The following ECI2 variants were observed in gnomAD, a reference collection of about 807,000 sequenced individuals.
ECI2 encodes D3,D2-enoyl-CoA isomerase.
ECI2 carries 27 observed loss-of-function variants against 38.4 expected under a neutral mutation model. The ratio of observed to expected loss-of-function variants is 0.70; its 90% confidence interval spans 0.52 to 0.97. The LOEUF is 0.97. ECI2 is among the 50% of genes least tolerant of loss of function. ECI2 has a pLI of 0.00. For synonymous variants in ECI2, 168 were observed against 172.0 expected (o/e 0.98, Z 0.18); for missense variants, 470 against 474.4 (o/e 0.99, Z 0.09).
chr6:4,133,802 A>G, intron 1 of ECI2, 91 bp from the exon 2 acceptor site: 1 of 1,406,028 alleles, frequency 7.1e-7, no homozygotes, highest in Non-Finnish European at 9.3e-7. Flanking sequence ...ACATAACAAA[A>G]TGCCATGTTT....
intron 2 of ECI2, among the ~76,000 whole-genome samples, chr6:4,132,918 C>G (rs1469901155): frequency 1.3e-5 from 2 of 152,156 alleles, no homozygotes; most frequent in African/African-American, 2.4e-5. Context: ...GTGTGCGCCA[C>G]CAGTCCAGCT....
At chr6:4,119,107 G>A (rs577466181) in intron 8 of ECI2, 79 bp downstream of exon 8, 321 of 1,176,124 alleles carry the variant, frequency 2.7e-4, no homozygotes, top group Non-Finnish European at 3.7e-4. Context: ...AGGGAAAGAA[G>A]GGAGAGTATA....
intron 2 of ECI2, 119 bp downstream of exon 2, chr6:4,133,430 G>T: frequency 8.6e-7 from 1 of 1,167,140 alleles, no homozygotes; most frequent in Non-Finnish European, 1.2e-6. Flanking sequence ...ACTCTTCAGA[G>T]AAGAGGGAGC....
chr6:4,118,307 C>CA (rs1436523898), intron 8 of ECI2: 1 of 152,536 alleles, frequency 6.6e-6, no homozygotes, highest in Admixed American at 6.5e-5. Context: ...GCTGGGATTA[C>CA]AGGTGTGAGC....
intron 9 of ECI2, among the ~76,000 whole-genome samples, chr6:4,117,035 C>G (rs547577271): frequency 5.9e-5 from 9 of 152,194 alleles, no homozygotes; most frequent in Non-Finnish European, 1.3e-4. Flanking sequence ...AAGTGCTCAG[C>G]AAATACTGCC....
intron 7 of ECI2, among the ~76,000 whole-genome samples, chr6:4,121,454 T>G (rs1772746763): frequency 6.6e-6 from 1 of 152,228 alleles, no homozygotes; most frequent in Non-Finnish European, 1.5e-5. Flanking sequence ...CCCTTTATAT[T>G]TCATTTTGTC....
At position 4,125,291 on chromosome 6, in the gene ECI2, T is replaced by A; in HGVS notation, c.754A>T (p.Thr252Ser). Residue 252 changes from threonine (T) to serine (S), a missense_variant, in exon 7 of 10, where the codon ACC becomes TCC. Coordinates refer to ENST00000380118, the MANE Select transcript of ECI2 (RefSeq NM_206836.3). ...VNGPAVGISV[T>S]LLGLFDAVYA... is the part of the protein sequence containing the mutation. The stretch of plus-strand genomic sequence containing the variant: ...ACGGCATCGAATAGCCCAAGGAGGG[T>A]GACGGAGATGCCCACAGCTGGACCA... 2 of 1,614,062 alleles carry A rather than the reference T, an allele frequency of 1.2e-6. No homozygotes were observed. Among genetic ancestry groups the A allele is most frequent in the Non-Finnish European group, 1.7e-6 (2 of 1,180,028 alleles).
At chr6:4,125,040 G>T in intron 7 of ECI2, 1 of 766,660 alleles carries the variant, frequency 1.3e-6, no homozygotes, top group Non-Finnish European at 2.1e-6. Flanking sequence ...AGTCAGAGTT[G>T]GAACAATGTT....
chr6:4,119,265 T>G lies in ECI2; in HGVS notation c.806A>C (p.His269Pro), dbSNP rs200845716. 1,611 of 1,612,324 alleles carry G rather than the reference T, an allele frequency of 1.0e-3. No individual in the cohort carries two copies. Among genetic ancestry groups the G allele is most frequent in the Non-Finnish European group, 1.3e-3 (1,556 of 1,179,258 alleles). ...AVYASDRATFHTPFSHLGQSP... is the reference protein window; with the variant it reads ...AVYASDRATFPTPFSHLGQSP... The stretch of plus-strand genomic sequence containing the variant: ...TTGGCCTAGGTGACTAAATGGTGTA[T>G]GAAATGTTGCCTGCAGAGGCAGGAG... The change falls in exon 8 of 10, where the codon CAT becomes CCT. Residue 269 changes from histidine to proline, a missense_variant. Coordinates refer to ENST00000380118, the MANE Select transcript of ECI2 (RefSeq NM_206836.3).
Position 4,126,137 on chromosome 6 carries a change from C to G in ECI2, c.672G>C (p.Leu224=). 6.2e-7 allele frequency: 1 copy of G among 1,613,032 alleles called. No homozygotes were observed. Among genetic ancestry groups the G allele is most frequent in the Non-Finnish European group, 8.5e-7 (1 of 1,179,322 alleles). The change falls in exon 6 of 10, where the codon CTG becomes CTC. Residue 224 remains leucine (L), a splice_region_variant and synonymous_variant. Transcript: ENST00000380118. ...EEKAKNNAVL[L]REFVGCFIDF... ...AGACAAAGGTCAGTAACTCTTACCT[C>G]AGTAAAACGGCATTATTTTTAGCTT...
intron 7 of ECI2, chr6:4,122,195 T>C (rs1258709716): frequency 2.3e-6 from 1 of 430,140 alleles, no homozygotes; most frequent in Non-Finnish European, 4.2e-6. Flanking sequence ...AGTTTTCTCA[T>C]TTGTAAAATG....
At chr6:4,127,646 C>T in intron 5 of ECI2, 116 bp downstream of exon 5, 1 of 986,630 alleles carries the variant, frequency 1.0e-6, no homozygotes, top group Non-Finnish European at 1.5e-6. Context: ...AACTCCTGAC[C>T]TCGGGAGCCA....
chr6:4,118,223 C>A (rs1772412143), intron 8 of ECI2: 1 of 152,176 alleles, frequency 6.6e-6, no homozygotes, highest in Non-Finnish European at 1.5e-5. Context: ...GTAGAGACAG[C>A]ATTTCACTAT....
At chr6:4,126,942 A>G (rs1222836858) in intron 5 of ECI2, among the ~76,000 whole-genome samples, 3 of 152,182 alleles carry the variant, frequency 2.0e-5, no homozygotes, top group African/African-American at 7.2e-5. Flanking sequence ...CATCACCCCA[A>G]AAGTTTCCCG....
intron 7 of ECI2, 147 bp downstream of exon 7, chr6:4,125,103 C>T (rs1773054393): frequency 7.6e-7 from 1 of 1,321,240 alleles, no homozygotes; most frequent in East Asian, 2.3e-5. Flanking sequence ...GTCAAATCAG[C>T]CTAATGCTTT....
At chr6:4,135,409 T>C in intron 1 of ECI2, 102 bp downstream of exon 1, 1 of 1,590,806 alleles carries the variant, frequency 6.3e-7, no homozygotes, top group Non-Finnish European at 8.5e-7. Context: ...TGTTGCCACC[T>C]AGACAATAGG....
intron 4 of ECI2, 192 bp downstream of exon 4, chr6:4,130,180 T>G: frequency 6.2e-7 from 1 of 1,613,878 alleles, no homozygotes; most frequent in South Asian, 1.1e-5. Flanking sequence ...AGAACCTACC[T>G]GAAATTCACA....
At chr6:4,130,689 C>T (rs1773463166) in intron 3 of ECI2, 78 bp downstream of exon 3, 3 of 1,600,594 alleles carry the variant, frequency 1.9e-6, no homozygotes, top group Middle Eastern at 1.7e-4. Context: ...TTGAAGACTC[C>T]ATTTACAATG....
At chr6:4,122,266 C>G (rs939834790) in intron 7 of ECI2, among the ~76,000 whole-genome samples, 1 of 150,982 alleles carries the variant, frequency 6.6e-6, no homozygotes, top group Non-Finnish European at 1.5e-5. Flanking sequence ...GGTTGCCCAG[C>G]CTTGAGTGCA....
Sources: allele counts gnomAD v4.1 joint callset (sites outside exome capture counted in the v4.1 genomes callset), GRCh38; gene constraint gnomAD v4.1.1; transcripts MANE v1.5; gene names NCBI Gene and HGNC (gene_info 2026-07-23, HGNC 2026-07-21).